The following CAVIN3 variants were observed in gnomAD, a reference collection of about 807,000 sequenced individuals.
CAVIN3 encodes caveolae-associated protein 3.
A neutral mutation model predicts 8.2 loss-of-function variants in CAVIN3; 11 were observed. The observed-to-expected ratio is 1.35, with a 90% CI of 0.85 to 2.23. The LOEUF (loss-of-function observed/expected upper bound fraction) is 2.23, where lower values mean the gene tolerates loss of function less well. Ranked by LOEUF, CAVIN3 falls within the 30% of genes most tolerant of loss-of-function variation. CAVIN3 has a pLI of 0.00. For synonymous variants in CAVIN3, 191 were observed against 166.3 expected, an observed-to-expected ratio of 1.15 and a Z score of -1.14; for missense variants, 401 against 359.5, an observed-to-expected ratio of 1.12 and a Z score of -0.93.
Position 6,319,259 on chromosome 11 carries a change from G to C in CAVIN3, c.690C>G (p.Pro230=), listed in dbSNP as rs773366841. 1.9e-6 allele frequency: 3 copies of C among 1,604,840 alleles called. No individual in the cohort carries two copies. In the African/African-American group the frequency reaches 4.0e-5, roughly 22 times the overall value. The change falls in exon 2 of 2, where the codon CCC becomes CCG. Residue 230 remains proline (P), a synonymous_variant. Coordinates refer to ENST00000303927, the MANE Select transcript of CAVIN3 (RefSeq NM_145040.3). ...CCTGCGGAGGCTCTGGCTCCAGCGT[G>C]GGCTCCAGCGCAGGCTGGGCTTCCG... is the stretch of plus-strand genomic sequence containing the variant. ...AQPEAQPALE[P]TLEPEPPQDT...
In CAVIN3 at chr11:6,319,089, C is replaced by T. The variant is rs2133932715; in HGVS notation, c.*74G>A. 1 of 1,443,516 alleles carries T rather than the reference C, an allele frequency of 6.9e-7. No individual in the cohort carries two copies. The highest frequency in any genetic ancestry group is 9.3e-7 in the Non-Finnish European group (1 of 1,078,862). The allele number at this position is 1,443,516 out of a possible 1,614,324, so 89.4% of individuals were successfully genotyped here. A position where few individuals can be genotyped will look rare whatever the true frequency, so the allele number is the denominator to read the frequency against. The stretch of plus-strand genomic sequence containing the variant: ...ATGTAGGATTCGCTCCTTATTAGGG[C>T]GTGAGTGCTACATTCTGAAAGGATT... On this transcript the variant is annotated 3_prime_UTR_variant, in exon 2 of 2. Transcript: ENST00000303927.
Position 6,319,323 on chromosome 11 carries a change from G to T in CAVIN3, c.626C>A (p.Pro209Gln), listed in dbSNP as rs543801330. 1 of 1,604,196 alleles carries T rather than the reference G, an allele frequency of 6.2e-7. No individual in the cohort carries two copies. The highest frequency in any genetic ancestry group is 1.7e-5 in the Admixed American group (1 of 57,956). Residue 209 changes from proline to glutamine, a missense_variant, in exon 2 of 2, where the codon CCG becomes CAG. Physicochemically the swap from Pro to Gln is moderately conservative, Grantham distance 76. Coordinates refer to ENST00000303927, the MANE Select transcript of CAVIN3 (RefSeq NM_145040.3). ...GCTCCGGCCAGGCCCAAGGCGAGGCGGCTTGACCGGGGTGGGCGGTGGCGC... is the reference window on the plus strand; with the variant it reads ...GCTCCGGCCAGGCCCAAGGCGAGGCTGCTTGACCGGGGTGGGCGGTGGCGC... Reference protein sequence around the residue: ...PAAPPPTPVKPPRLGPGRSAE... With the variant: ...PAAPPPTPVKQPRLGPGRSAE...
At chr11:6,319,607 C>A in intron 1 of CAVIN3, 43 bp from the exon 2 acceptor site, 1 of 1,539,226 alleles carries the variant, frequency 6.5e-7, no homozygotes, top group South Asian at 1.2e-5. Flanking sequence ...AGCTCCTTAC[C>A]CCCAGCAGCC....
rs770943639 is a variant in CAVIN3, at chr11:6,320,164, G to A, written c.313C>T (p.Gln105Ter). Residue 105 changes from glutamine to a stop codon, truncating the protein, a stop_gained, in exon 1 of 2, where the codon CAG (glutamine) becomes TAG (stop). Coordinates refer to ENST00000303927, the MANE Select transcript of CAVIN3 (RefSeq NM_145040.3). LOFTEE classifies it high-confidence loss of function. ...AQERAVRRAA[Q>*]VQRLEANHGL... ...TGGTTGGCCTCCAGCCGCTGCACCT[G>A]GGCTGCGCGGCGCACCGCGCGCTCT... 1 of 1,578,852 alleles carries A rather than the reference G, an allele frequency of 6.3e-7. No individual in the cohort carries two copies. The highest frequency in any genetic ancestry group is 1.1e-5 in the South Asian group (1 of 88,538).
chr11:6,319,587 T>A, intron 1 of CAVIN3, 23 bp from the exon 2 acceptor site: 1 of 1,553,568 alleles, frequency 6.4e-7, no homozygotes. Context: ...GACACAGCAC[T>A]GATCCTGGCA....
At chr11:6,319,888 G>T in intron 1 of CAVIN3, 1 of 701,474 alleles carries the variant, frequency 1.4e-6, no homozygotes, top group Non-Finnish European at 2.4e-6. Context: ...GGCTTGGATT[G>T]GCCAGGCGGG....
chr11:6,319,074 C>A lies in CAVIN3; in HGVS notation c.*89G>T. On this transcript the variant is annotated 3_prime_UTR_variant, in exon 2 of 2. Coordinates refer to ENST00000303927, the MANE Select transcript of CAVIN3 (RefSeq NM_145040.3). ...CGCCCGCCTTGGTGGATGTAGGATT[C>A]GCTCCTTATTAGGGCGTGAGTGCTA... 1 of 1,367,832 alleles carries A rather than the reference C, an allele frequency of 7.3e-7. No individual in the cohort carries two copies. The highest frequency in any genetic ancestry group is 2.6e-5 in the Admixed American group (1 of 38,222). 84.7% of individuals were successfully genotyped at this position (1,367,832 alleles called of 1,614,324 possible).
Position 6,319,092 on chromosome 11 carries a change from G to T in CAVIN3, c.*71C>A. On this transcript the variant is annotated 3_prime_UTR_variant, in exon 2 of 2. Transcript: ENST00000303927. ...TAGGATTCGCTCCTTATTAGGGCGT[G>T]AGTGCTACATTCTGAAAGGATTTAT... The T allele has an allele frequency of 6.9e-7, 1 of 1,454,768 alleles. No homozygotes were observed. The highest frequency in any genetic ancestry group is 1.4e-5 in the South Asian group (1 of 69,636). The allele number at this position is 1,454,768 out of a possible 1,614,324, so 90.1% of individuals were successfully genotyped here.
chr11:6,320,440 C>T lies in CAVIN3; in HGVS notation c.37G>A (p.Glu13Lys), dbSNP rs989523372. The T allele has an allele frequency of 4.5e-6, 7 of 1,546,628 alleles. No individual in the cohort carries two copies. Among genetic ancestry groups the T allele is most frequent in the African/African-American group, 2.8e-5 (2 of 72,260 alleles). Residue 13 changes from glutamate (E) to lysine (K), a missense_variant, in exon 1 of 2, where the codon GAG becomes AAG. Transcript: ENST00000303927. ...ESALERGPVP[E>K]APAGGPVHAV... ...TGCACGGGACCCCCCGCCGGCGCCT[C>T]GGGCACAGGCCCCCGCTCCAACGCA...
rs139734641 is a variant in CAVIN3, at chr11:6,319,311, C to T, written c.638G>A (p.Gly213Glu). Residue 213 changes from glycine to glutamate, a missense_variant, in exon 2 of 2, where the codon GGG becomes GAG. Coordinates refer to ENST00000303927, the MANE Select transcript of CAVIN3 (RefSeq NM_145040.3). ...PPTPVKPPRL[G>E]PGRSAEAQPE... Reference sequence around the variant, plus strand: ...CTGGGCTTCAGCGCTCCGGCCAGGCCCAAGGCGAGGCGGCTTGACCGGGGT... The same window carrying T: ...CTGGGCTTCAGCGCTCCGGCCAGGCTCAAGGCGAGGCGGCTTGACCGGGGT... 3.1e-6 allele frequency: 5 copies of T among 1,606,374 alleles called. No homozygotes were observed. Among genetic ancestry groups the T allele is most frequent in the Non-Finnish European group, 4.2e-6 (5 of 1,176,800 alleles).
chr11:6,319,927 T>C (rs1036646983), intron 1 of CAVIN3, 166 bp downstream of exon 1: 16 of 807,272 alleles, frequency 2.0e-5, no homozygotes, highest in African/African-American at 1.6e-4. Flanking sequence ...GGGATGGGGC[T>C]GGGTCTTGGG....
At position 6,320,238 on chromosome 11, in the gene CAVIN3, T is replaced by A; in HGVS notation, c.239A>T (p.Gln80Leu). 1 of 1,563,854 alleles carries A rather than the reference T, an allele frequency of 6.4e-7. No homozygotes were observed. The highest frequency in any genetic ancestry group is 8.6e-7 in the Non-Finnish European group (1 of 1,161,706). The change falls in exon 1 of 2, where the codon CAG becomes CTG. Residue 80 changes from glutamine (Q) to leucine (L), a missense_variant. Physicochemically the swap from Gln to Leu is moderately radical, Grantham distance 113. Coordinates refer to ENST00000303927, the MANE Select transcript of CAVIN3 (RefSeq NM_145040.3). Reference sequence around the variant, plus strand: ...CACGCGCTCCGCCTTGGCCAGCAGCTGCGCCAAGGTGTTGCTGGTGGTGTC... The same window carrying A: ...CACGCGCTCCGCCTTGGCCAGCAGCAGCGCCAAGGTGTTGCTGGTGGTGTC... Reference protein sequence around the residue: ...SHDTTSNTLAQLLAKAERVSS... With the variant: ...SHDTTSNTLALLLAKAERVSS...
intron 1 of CAVIN3, 134 bp from the exon 2 acceptor site, chr11:6,319,698 G>A: frequency 8.6e-7 from 1 of 1,156,292 alleles, no homozygotes; most frequent in African/African-American, 1.5e-5. Flanking sequence ...GCGTGGGAAG[G>A]TAAGGGGAGG....
chr11:6,320,207 C>G lies in CAVIN3; in HGVS notation c.270G>C (p.Ser90=), dbSNP rs1846812405. 3.2e-6 allele frequency: 5 copies of G among 1,564,416 alleles called. No homozygotes were observed. Among genetic ancestry groups the G allele is most frequent in the Non-Finnish European group, 4.3e-6 (5 of 1,162,566 alleles). The change falls in exon 1 of 2, where the codon TCG becomes TCC. Residue 90 remains serine (S), a synonymous_variant. Transcript: ENST00000303927. ...CGCGCTCTTGGGCGGCGTTGGCGTG[C>G]GAGCTCACGCGCTCCGCCTTGGCCA... The part of the protein sequence containing the change: ...QLLAKAERVS[S]HANAAQERAV...
At position 6,319,571 on chromosome 11, in the gene CAVIN3, G is replaced by T; in HGVS notation, c.385-7C>A. ...CTGGGACTTCACCCTCCTCCTGCAT[G>T]TGACGGACACAGCACTGATCCTGGC... On this transcript the variant is annotated splice_polypyrimidine_tract_variant and splice_region_variant and intron_variant, in intron 1 of 1. Coordinates refer to ENST00000303927, the MANE Select transcript of CAVIN3 (RefSeq NM_145040.3). 1 of 1,564,656 alleles carries T rather than the reference G, an allele frequency of 6.4e-7. No homozygotes were observed.
chr11:6,319,618 C>G (rs766668006), intron 1 of CAVIN3, 54 bp from the exon 2 acceptor site: 15 of 1,528,788 alleles, frequency 9.8e-6, no homozygotes, highest in East Asian at 7.3e-5. Context: ...CCCAGCAGCC[C>G]GAAACTCACT....
In CAVIN3 at chr11:6,319,387, T is replaced by G. The variant is rs1435143046; in HGVS notation, c.562A>C (p.Ser188Arg). ...CGGCCCGAAAGGGCCCTTCGGAGGC[T>G]CTGTACCTTCTGCAATCCGGTGCGC... The part of the protein sequence containing the change: ...LRRTGLQKVQ[S>R]LRRALSGRKG... The change falls in exon 2 of 2, where the codon AGC (serine) becomes CGC (arginine). Residue 188 changes from serine (S) to arginine (R), a missense_variant. Physicochemically the swap from Ser to Arg is moderately radical, Grantham distance 110. Transcript: ENST00000303927. The G allele has an allele frequency of 6.2e-7, 1 of 1,609,376 alleles. No homozygotes were observed. The highest frequency in any genetic ancestry group is 1.3e-5 in the African/African-American group (1 of 74,788).
Position 6,319,013 on chromosome 11 carries a change from G to A in CAVIN3, c.*150C>T. ...GTGAGTGACTGCACCTCTTTCAGAGGACACAGGACTGGGCTTAAGGAAGGG... is the reference window on the plus strand; with the variant it reads ...GTGAGTGACTGCACCTCTTTCAGAGAACACAGGACTGGGCTTAAGGAAGGG... On this transcript the variant is annotated 3_prime_UTR_variant, in exon 2 of 2. Transcript: ENST00000303927. 1 of 674,694 alleles carries A rather than the reference G, an allele frequency of 1.5e-6. No individual in the cohort carries two copies. Among genetic ancestry groups the A allele is most frequent in the Non-Finnish European group, 2.4e-6 (1 of 421,250 alleles). The allele number at this position is 674,694 out of a possible 1,614,324, so 41.8% of individuals were successfully genotyped here. A position where few individuals can be genotyped will look rare whatever the true frequency, so the allele number is the denominator to read the frequency against.
At chr11:6,319,613 C>A in intron 1 of CAVIN3, 49 bp from the exon 2 acceptor site, 5 of 1,535,132 alleles carry the variant, frequency 3.3e-6, no homozygotes, top group Non-Finnish European at 4.4e-6. Context: ...TTACCCCCAG[C>A]AGCCCGAAAC....
Sources: allele counts gnomAD v4.1 joint callset, GRCh38; gene constraint gnomAD v4.1.1; transcripts MANE v1.5; gene names NCBI Gene and HGNC (gene_info 2026-07-23, HGNC 2026-07-21).